The following PHAF1 variants were observed in gnomAD, a reference collection of about 807,000 sequenced individuals.
The protein encoded by PHAF1 is phagosome assembly factor 1.
PHAF1 carries 23 observed loss-of-function variants against 63.1 expected under a neutral mutation model. The observed-to-expected ratio is 0.36, with a 90% confidence interval of 0.26 to 0.52. The LOEUF is 0.52. PHAF1 is among the 20% of genes least tolerant of loss of function. The pLI, the probability that PHAF1 is intolerant of heterozygous loss-of-function variation, is 0.93. For synonymous variants in PHAF1, 167 were observed against 185.0 expected (o/e 0.90, Z 0.79); for missense variants, 427 against 517.2 (o/e 0.83, Z 1.69).
rs1249817406 is a variant in PHAF1 at position 67,109,966 on chromosome 16, C to T, written c.-210C>T. On this transcript the variant is annotated 5_prime_UTR_variant, in exon 1 of 16. Transcript: ENST00000219139. Reference sequence around the variant, plus strand: ...GCAGTCGCGCCCGCCGCCGTCGTTGCCCCCGCTGCCGCGGCTGCTGCAGGT... The same window carrying T: ...GCAGTCGCGCCCGCCGCCGTCGTTGTCCCCGCTGCCGCGGCTGCTGCAGGT... The T allele has an allele frequency of 9.5e-6, 5 of 527,044 alleles. No homozygotes were observed. The highest frequency in any genetic ancestry group is 5.1e-5 in the South Asian group (2 of 39,574). 32.6% of individuals were successfully genotyped at this position (527,044 alleles called of 1,614,324 possible).
At chr16:67,116,111 C>A (rs1187783547) in intron 1 of PHAF1, among the ~76,000 whole-genome samples, 1 of 152,196 alleles carries the variant, frequency 6.6e-6, no homozygotes, top group Non-Finnish European at 1.5e-5. Context: ...TTTGTCCATT[C>A]CTCCTGGGAA....
chr16:67,145,558 T>G lies in PHAF1; in HGVS notation c.1051-12T>G. On this transcript the variant is annotated splice_polypyrimidine_tract_variant and intron_variant, in intron 13 of 15. Coordinates refer to ENST00000219139, the MANE Select transcript of PHAF1 (RefSeq NM_025187.5). ...CCCTACTAACCCCTGCTCCCCTCTA[T>G]CCCTCTTGCAGTGGGACAACATCCA... The G allele has an allele frequency of 6.2e-7, 1 of 1,613,958 alleles. No individual in the cohort carries two copies. The highest frequency in any genetic ancestry group is 8.5e-7 in the Non-Finnish European group (1 of 1,179,942).
chr16:67,144,301 TC>T lies in PHAF1; in HGVS notation c.888del (p.Phe297LeufsTer8). The T allele has an allele frequency of 6.2e-7, 1 of 1,610,336 alleles. No homozygotes were observed. The highest frequency in any genetic ancestry group is 8.5e-7 in the Non-Finnish European group (1 of 1,176,546). Reference protein sequence around the residue: ...FNYFTLGVDILFDANTHKVKK... With the variant: ...FNYFTLGVDIXFDANTHKVKK... The stretch of plus-strand genomic sequence containing the variant: ...CCTTGTTTTCTATCCCAGGACATCC[TC>T]TTTGATGCGAATACACACAAAGTGA... On this transcript the variant is annotated frameshift_variant, in exon 11 of 16. Transcript: ENST00000219139. LOFTEE classifies it high-confidence loss of function.
chr16:67,118,359 CAG>C (rs1252374809), intron 1 of PHAF1, among the ~76,000 whole-genome samples: 2 of 90,442 alleles, frequency 2.2e-5, no homozygotes, highest in Non-Finnish European at 4.0e-5. Context: ...TTTTTTGAGA[CAG>C]AGTCTTGCTC....
intron 1 of PHAF1, 35 bp downstream of exon 1, chr16:67,110,274 C>T: frequency 6.5e-7 from 1 of 1,548,300 alleles, no homozygotes; most frequent in African/African-American, 1.4e-5. Flanking sequence ...ACCCCATTCG[C>T]TGATCCTTGC....
chr16:67,118,382 G>C (rs1663980380), intron 1 of PHAF1, among the ~76,000 whole-genome samples: 1 of 139,278 alleles, frequency 7.2e-6, no homozygotes, highest in African/African-American at 2.7e-5. Flanking sequence ...TGTCTCCCAG[G>C]CTGGAGTGCA....
rs1468842967 is a variant in PHAF1, at chr16:67,140,551, C to T, written c.836C>T (p.Ser279Leu). The T allele has an allele frequency of 2.5e-6, 4 of 1,602,506 alleles. No homozygotes were observed. Among genetic ancestry groups the T allele is most frequent in the Admixed American group, 3.3e-5 (2 of 59,982 alleles). Reference protein sequence around the residue: ...HSPSPHKQVPSKCNDYFFNYF... With the variant: ...HSPSPHKQVPLKCNDYFFNYF... ...CCTTCCCCTCATAAACAAGTTCCAT[C>T]GAAGTGTAATGACTACTTTTTTAAC... Residue 279 changes from serine (S) to leucine (L), a missense_variant, in exon 10 of 16, where the codon TCG becomes TTG. Physicochemically the swap from Ser to Leu is moderately radical, Grantham distance 145. Coordinates refer to ENST00000219139, the MANE Select transcript of PHAF1 (RefSeq NM_025187.5).
chr16:67,130,826 G>A (rs904020141), intron 3 of PHAF1, among the ~76,000 whole-genome samples: 1 of 152,206 alleles, frequency 6.6e-6, no homozygotes, highest in African/African-American at 2.4e-5. Context: ...TGGACTGCAT[G>A]TAAGAGCCTT....
Position 67,114,308 on chromosome 16 carries a change from A to G in PHAF1, c.64+4069A>G, listed in dbSNP as rs1962650900. On this transcript the variant is annotated intron_variant, in intron 1 of 15. Transcript: ENST00000219139. ...AGTTTGAGACCAGCCTAGGTAACAT[A>G]GTGAGACCCTGTCTCTATTTAAATA... 2.6e-5 allele frequency among the ~76,000 whole-genome samples: 4 copies of G among 152,208 alleles called. No individual in the cohort carries two copies. In the South Asian group the frequency reaches 8.3e-4, roughly 32 times the overall value.
At chr16:67,143,518 A>G (rs532294698) in intron 10 of PHAF1, among the ~76,000 whole-genome samples, 2 of 152,322 alleles carry the variant, frequency 1.3e-5, no homozygotes, top group Admixed American at 1.3e-4. Flanking sequence ...GCACCACGCT[A>G]GGTGACTTAC....
In PHAF1 at chr16:67,147,517, G is replaced by T. The variant is rs1172618655; in HGVS notation, c.*386G>T. On this transcript the variant is annotated 3_prime_UTR_variant, in exon 16 of 16. Transcript: ENST00000219139. ...GCACCCAGGATAAGGACAAGGTCCT[G>T]CCTTTGGCTCCACATTGCCACATGA... The T allele has an allele frequency of 9.7e-6, 2 of 205,208 alleles. No homozygotes were observed. The highest frequency in any genetic ancestry group is 1.9e-5 in the Non-Finnish European group (2 of 102,748). The allele number at this position is 205,208 out of a possible 1,614,324, so 12.7% of individuals were successfully genotyped here.
intron 3 of PHAF1, among the ~76,000 whole-genome samples, chr16:67,128,343 G>T (rs1233309843): frequency 6.6e-6 from 1 of 152,218 alleles, no homozygotes; most frequent in African/African-American, 2.4e-5. Flanking sequence ...TCTGCCTTCT[G>T]TGGGATCCCC....
At position 67,120,099 on chromosome 16, in the gene PHAF1, T is replaced by TG; in HGVS notation, c.65-12dup. ...AGCCAAAATAACCACATAGGTGTCTTGCTTTATTTCAGGAATGCCTCTGGC... is the reference window on the plus strand; with the variant it reads ...AGCCAAAATAACCACATAGGTGTCTTGGCTTTATTTCAGGAATGCCTCTGGC... On this transcript the variant is annotated splice_polypyrimidine_tract_variant and intron_variant, in intron 1 of 15. Transcript: ENST00000219139. 1 of 1,612,568 alleles carries TG rather than the reference T, an allele frequency of 6.2e-7. No homozygotes were observed. The highest frequency in any genetic ancestry group is 1.3e-5 in the African/African-American group (1 of 75,018).
Position 67,145,558 on chromosome 16 carries a change from T to C in PHAF1, c.1051-12T>C. On this transcript the variant is annotated splice_polypyrimidine_tract_variant and intron_variant, in intron 13 of 15. Coordinates refer to ENST00000219139, the MANE Select transcript of PHAF1 (RefSeq NM_025187.5). ...CCCTACTAACCCCTGCTCCCCTCTA[T>C]CCCTCTTGCAGTGGGACAACATCCA... The C allele has an allele frequency of 6.2e-7, 1 of 1,613,958 alleles. No homozygotes were observed. Among genetic ancestry groups the C allele is most frequent in the South Asian group, 1.1e-5 (1 of 91,074 alleles).
chr16:67,111,590 A>C (rs976103621), intron 1 of PHAF1, among the ~76,000 whole-genome samples: 11 of 152,154 alleles, frequency 7.2e-5, no homozygotes, highest in Admixed American at 6.5e-4. Flanking sequence ...TAGTGGCTAC[A>C]TATGTCCTGT....
At chr16:67,141,769 C>T (rs80040647) in intron 10 of PHAF1, among the ~76,000 whole-genome samples, 3,228 of 152,296 alleles carry the variant, frequency 0.021, 59 homozygotes, top group Non-Finnish European at 0.035. Context: ...AAGGAGAATG[C>T]GGTGGCACCC....
At chr16:67,144,934 T>C (rs1000009000) in intron 12 of PHAF1, 57 bp downstream of exon 12, 1 of 1,575,086 alleles carries the variant, frequency 6.3e-7, no homozygotes, top group Non-Finnish European at 8.7e-7. Context: ...TTTTCCACTA[T>C]GAAAAGGGAG....
chr16:67,120,169 A>C lies in PHAF1; in HGVS notation c.122A>C (p.Asn41Thr), dbSNP rs762410433. The C allele has an allele frequency of 1.9e-6, 3 of 1,614,092 alleles. No homozygotes were observed. Among genetic ancestry groups the C allele is most frequent in the South Asian group, 1.1e-5 (1 of 91,074 alleles). Residue 41 changes from asparagine (N) to threonine (T), a missense_variant, in exon 2 of 16, where the codon AAC becomes ACC. By Grantham distance (65) the Asn-to-Thr change is moderately conservative. Coordinates refer to ENST00000219139, the MANE Select transcript of PHAF1 (RefSeq NM_025187.5). ...ILQKHCRIIK[N>T]VQVLYSEQSP... is the part of the protein sequence containing the mutation. The stretch of plus-strand genomic sequence containing the variant: ...CAGAAGCACTGTCGCATCATCAAAA[A>C]CGTCCAGGTTCTCTACAGTGAACAG...
intron 1 of PHAF1, among the ~76,000 whole-genome samples, chr16:67,114,793 C>T (rs1352330454): frequency 3.3e-5 from 5 of 152,116 alleles, no homozygotes; most frequent in African/African-American, 1.2e-4. Context: ...GTATTGTGGG[C>T]TTTCGTTTAG....
Sources: allele counts gnomAD v4.1 joint callset (sites outside exome capture counted in the v4.1 genomes callset), GRCh38; gene constraint gnomAD v4.1.1; transcripts MANE v1.5; gene names NCBI Gene and HGNC (gene_info 2026-07-23, HGNC 2026-07-21).